The following AP3B1 variants were observed in gnomAD, a reference collection of about 807,000 sequenced individuals.
The protein encoded by AP3B1 is AP-3 complex subunit beta-1.
AP3B1 carries 61 observed loss-of-function variants against 132.5 expected under a neutral mutation model. That is an observed-to-expected ratio of 0.46 (90% CI 0.37 to 0.57). The LOEUF is 0.57. Ranked by LOEUF, AP3B1 falls within the 20% of genes least tolerant of loss-of-function variation. The probability of loss-of-function intolerance (pLI) is 0.00; values close to 1 mark genes in which losing one functional copy is unlikely to be tolerated. For missense variants in AP3B1, 1,120 were observed against 1,289.4 expected (o/e 0.87, Z 2.01); for synonymous variants, 388 against 438.3 (o/e 0.89, Z 1.43).
chr5:78,053,027 C>T (rs774534589), intron 22 of AP3B1, among the ~76,000 whole-genome samples: 6 of 152,166 alleles, frequency 3.9e-5, no homozygotes, highest in Non-Finnish European at 7.4e-5. Context: ...GAGCATTTTA[C>T]AGAAGCCCAA....
chr5:78,148,029 T>TC (rs1753488477), intron 14 of AP3B1, among the ~76,000 whole-genome samples: 1 of 142,272 alleles, frequency 7.0e-6, no homozygotes, highest in Middle Eastern at 3.5e-3. Flanking sequence ...CAAGACTCCA[T>TC]TAAAAAAAAA....
At chr5:78,256,233 G>T (rs191230920) in intron 2 of AP3B1, among the ~76,000 whole-genome samples, 55 of 151,804 alleles carry the variant, frequency 3.6e-4, no homozygotes, top group African/African-American at 1.3e-3. Context: ...GAAACAAAAA[G>T]CTTTTTTTGA....
In AP3B1 at chr5:78,223,499, CA is replaced by C. The variant is rs1554077393; in HGVS notation, c.603+2042del. On this transcript the variant is annotated intron_variant, in intron 6 of 26. Transcript: ENST00000255194. ...TCACCAAGAATGTAACAAATTAATT[CA>C]ACAGTCATTCAACAAATATTAAATA... 2.3e-5 allele frequency among the ~76,000 whole-genome samples: 3 copies of C among 132,300 alleles called. No individual in the cohort carries two copies. In the South Asian group the frequency reaches 7.1e-4, roughly 31 times the overall value. The allele number at this position is 132,300 out of a possible 152,430, so 86.8% of individuals were successfully genotyped here. A position where few individuals can be genotyped will look rare whatever the true frequency, so the allele number is the denominator to read the frequency against.
intron 3 of AP3B1, among the ~76,000 whole-genome samples, chr5:78,237,939 A>T (rs1378274990): frequency 6.6e-6 from 1 of 152,222 alleles, no homozygotes; most frequent in Non-Finnish European, 1.5e-5. Flanking sequence ...ACAGAGTGCA[A>T]CTTACACAAA....
chr5:78,115,317 T>G (rs75383963), intron 18 of AP3B1, among the ~76,000 whole-genome samples: 1 of 152,114 alleles, frequency 6.6e-6, no homozygotes, highest in African/African-American at 2.4e-5. Flanking sequence ...CAGATAACCA[T>G]GTAAGAGTGA....
chr5:78,008,384 TTAAA>T (rs1350356875), intron 26 of AP3B1, among the ~76,000 whole-genome samples: 2 of 152,200 alleles, frequency 1.3e-5, no homozygotes, highest in African/African-American at 2.4e-5. Context: ...TAAATAAAAC[TTAAA>T]TAGAGAATGT....
chr5:78,066,155 C>T (rs910346766), intron 22 of AP3B1, among the ~76,000 whole-genome samples: 10 of 150,712 alleles, frequency 6.6e-5, no homozygotes, highest in African/African-American at 2.0e-4. Context: ...ACAAAAACTC[C>T]ATCCAAAGGT....
intron 26 of AP3B1, among the ~76,000 whole-genome samples, chr5:78,010,447 C>T (rs1307428087): frequency 3.3e-5 from 5 of 152,144 alleles, no homozygotes; most frequent in African/African-American, 1.2e-4. Context: ...CACAAACTCA[C>T]ACATGATTTT....
chr5:78,167,333 A>C (rs1016890673), intron 11 of AP3B1, among the ~76,000 whole-genome samples: 1 of 152,168 alleles, frequency 6.6e-6, no homozygotes, highest in East Asian at 1.9e-4. Context: ...AAAAAATCAA[A>C]AAATAATAGA....
chr5:78,089,265 A>C, intron 22 of AP3B1, 128 bp downstream of exon 22: 1 of 731,446 alleles, frequency 1.4e-6, no homozygotes, highest in Non-Finnish European at 2.4e-6. Context: ...GTCTTAGCTA[A>C]ATTGGGCTTG....
At chr5:78,080,623 ATTTTTTTTTTTT>A (rs66609184) in intron 22 of AP3B1, among the ~76,000 whole-genome samples, 15 of 103,530 alleles carry the variant, frequency 1.4e-4, no homozygotes, top group Admixed American at 1.3e-3. Context: ...TATGCCTCCA[ATTTTTTTTTTTT>A]TTTTTTTTTT....
chr5:78,058,392 C>A (rs1748903002), intron 22 of AP3B1, among the ~76,000 whole-genome samples: 1 of 151,996 alleles, frequency 6.6e-6, no homozygotes, highest in Non-Finnish European at 1.5e-5. Context: ...CCCAGCTACT[C>A]CGGAGGCTGA....
chr5:78,222,731 A>G (rs1322207917), intron 6 of AP3B1, among the ~76,000 whole-genome samples: 1 of 152,174 alleles, frequency 6.6e-6, no homozygotes, highest in Non-Finnish European at 1.5e-5. Context: ...AAAAAAAATC[A>G]ATAGCTTTCT....
chr5:78,240,033 G>A (rs762966904), intron 3 of AP3B1, among the ~76,000 whole-genome samples: 31 of 152,164 alleles, frequency 2.0e-4, no homozygotes, highest in African/African-American at 2.9e-4. Context: ...CAAAATTAGC[G>A]AACCCTCTGA....
At chr5:78,034,824 G>A (rs951900863) in intron 23 of AP3B1, among the ~76,000 whole-genome samples, 1 of 151,780 alleles carries the variant, frequency 6.6e-6, no homozygotes, top group African/African-American at 2.4e-5. Flanking sequence ...AAGAGGTTAT[G>A]TACTTAAAAC....
chr5:78,120,863 T>C (rs1229978063), intron 17 of AP3B1, among the ~76,000 whole-genome samples: 1 of 152,116 alleles, frequency 6.6e-6, no homozygotes, highest in Middle Eastern at 3.4e-3. Context: ...TCTACAGAAC[T>C]CTCCACCCCA....
At chr5:78,097,644 G>A (rs1259538635) in intron 21 of AP3B1, among the ~76,000 whole-genome samples, 6 of 140,472 alleles carry the variant, frequency 4.3e-5, no homozygotes, top group Middle Eastern at 3.7e-3. Context: ...CGCCCCGTCC[G>A]GGAGGGAGGT....
At position 78,039,140 on chromosome 5, in the gene AP3B1, T is replaced by C. The variant is rs1747940778; in HGVS notation, c.2712A>G (p.Ile904Met). The C allele has an allele frequency of 6.2e-7, 1 of 1,613,654 alleles. No homozygotes were observed. The highest frequency in any genetic ancestry group is 1.3e-5 in the African/African-American group (1 of 74,922). Reference sequence around the variant, plus strand: ...TTCGATCAGTAGTGTTATTCAGTGTTATTTGTATAGAGACCATCTTATCAC... The same window carrying C: ...TTCGATCAGTAGTGTTATTCAGTGTCATTTGTATAGAGACCATCTTATCAC... ...IFGDKMVSIQ[I>M]TLNNTTDRKI... The change falls in exon 23 of 27, where the codon ATA becomes ATG. Residue 904 changes from isoleucine (I) to methionine (M), a missense_variant. Ile to Met is a conservative substitution (Grantham distance 10). Coordinates refer to ENST00000255194, the MANE Select transcript of AP3B1 (RefSeq NM_003664.5).
At chr5:78,027,134 T>C (rs1472249152) in intron 24 of AP3B1, among the ~76,000 whole-genome samples, 1 of 152,074 alleles carries the variant, frequency 6.6e-6, no homozygotes, top group Non-Finnish European at 1.5e-5. Flanking sequence ...TTCCTTTATA[T>C]CTTTCTGAGT....
Sources: gnomAD v4.1 joint callset for allele counts (sites outside exome capture counted in the v4.1 genomes callset) on GRCh38, gnomAD v4.1.1 for gene constraint, MANE v1.5 for transcripts, NCBI Gene and HGNC (gene_info 2026-07-23, HGNC 2026-07-21) for gene names.